The following MLLT10 variants were observed in gnomAD, a reference collection of about 807,000 sequenced individuals.
MLLT10 encodes MLLT10 histone lysine methyltransferase DOT1L cofactor.
In MLLT10, 30 loss-of-function variants were observed where a neutral mutation model predicts 129.1. The observed-to-expected ratio is 0.23, with a 90% confidence interval of 0.17 to 0.32. The LOEUF (loss-of-function observed/expected upper bound fraction) is 0.32. Among genes scored for constraint, MLLT10 ranks in the 10% least tolerant of loss-of-function variants. The pLI is 1.00. For synonymous variants in MLLT10, 490 were observed against 446.4 expected (o/e 1.10, Z -1.23); for missense variants, 1,119 against 1,268.3 (o/e 0.88, Z 1.79).
chr10:21,570,608 G>T (rs1390282303), intron 3 of MLLT10, among the ~76,000 whole-genome samples: 2 of 151,030 alleles, frequency 1.3e-5, no homozygotes, highest in East Asian at 3.9e-4. Flanking sequence ...TTTCATTTAG[G>T]TTAGTAATTT....
chr10:21,535,079 C>G (rs760732165), intron 2 of MLLT10, among the ~76,000 whole-genome samples: 1 of 104,614 alleles, frequency 9.6e-6, no homozygotes, highest in African/African-American at 3.6e-5. Context: ...CGGGGCGGGG[C>G]GGGGCAGGGC....
chr10:21,550,309 G>A (rs1405890381), intron 3 of MLLT10, among the ~76,000 whole-genome samples: 1 of 152,098 alleles, frequency 6.6e-6, no homozygotes, highest in Non-Finnish European at 1.5e-5. Context: ...TCTAATTTCT[G>A]TGCAGCTTCC....
rs1588716949 is a variant in MLLT10 at position 21,534,284 on chromosome 10, C to T, written c.-237C>T. The T allele has an allele frequency of 1.5e-5, 6 of 394,582 alleles. No homozygotes were observed. 24.4% of individuals were successfully genotyped at this position (394,582 alleles called of 1,614,324 possible). On this transcript the variant is annotated 5_prime_UTR_variant, in exon 1 of 23. Coordinates refer to ENST00000307729, the MANE Select transcript of MLLT10 (RefSeq NM_001195626.3). ...GAAGCGCAGCCCCCTTCCCCTCCCT[C>T]GCTGCCCCTGGCCCAGCGGGAGCCC... is the stretch of plus-strand genomic sequence containing the variant.
At chr10:21,659,876 C>A (rs1478393913) in intron 9 of MLLT10, among the ~76,000 whole-genome samples, 10 of 152,036 alleles carry the variant, frequency 6.6e-5, no homozygotes, top group Non-Finnish European at 1.3e-4. Context: ...TTTGAACAAA[C>A]CATCTATTCG....
intron 22 of MLLT10, 103 bp from the exon 23 acceptor site, chr10:21,741,836 G>A: frequency 7.9e-6 from 10 of 1,259,090 alleles, no homozygotes; most frequent in African/African-American, 3.0e-5. Flanking sequence ...AAAAAAGGGA[G>A]TAACTTTCTA....
At chr10:21,633,190 T>TA (rs1371236484) in intron 8 of MLLT10, among the ~76,000 whole-genome samples, 12 of 152,226 alleles carry the variant, frequency 7.9e-5, no homozygotes, top group Non-Finnish European at 1.6e-4. Flanking sequence ...GCTTACCTCA[T>TA]AGAGTTTTTA....
chr10:21,702,887 A>C (rs1007946110), intron 13 of MLLT10, among the ~76,000 whole-genome samples: 1 of 152,090 alleles, frequency 6.6e-6, no homozygotes, highest in East Asian at 1.9e-4. Context: ...CACCTAGTTG[A>C]TATCTTGTAA....
intron 3 of MLLT10, among the ~76,000 whole-genome samples, chr10:21,575,334 T>C (rs139352920): frequency 9.8e-4 from 149 of 152,098 alleles, no homozygotes; most frequent in African/African-American, 3.4e-3. Context: ...GTAGCTTAGA[T>C]TACAGCCACC....
intron 3 of MLLT10, among the ~76,000 whole-genome samples, chr10:21,582,458 C>A (rs1028415878): frequency 6.6e-6 from 1 of 152,012 alleles, no homozygotes; most frequent in African/African-American, 2.4e-5. Context: ...GTTACTGTGC[C>A]TAATTTATAA....
In MLLT10 at chr10:21,723,178, T is replaced by C. The variant is rs531749206; in HGVS notation, c.1879-3066T>C. Among the ~76,000 whole-genome samples, 293 of 152,310 alleles carry C rather than the reference T, an allele frequency of 1.9e-3. 2 individuals carry two copies. The highest frequency in any genetic ancestry group is 0.01 in the Middle Eastern group (3 of 294). On this transcript the variant is annotated intron_variant, in intron 14 of 22. Coordinates refer to ENST00000307729, the MANE Select transcript of MLLT10 (RefSeq NM_001195626.3). ...AAGATACTTTATCTTTTTTTGATGA[T>C]CATCATTATGCAAATTAGTTGTTGT... is the stretch of plus-strand genomic sequence containing the variant.
chr10:21,618,842 C>T (rs927557846), intron 8 of MLLT10, among the ~76,000 whole-genome samples: 3 of 151,930 alleles, frequency 2.0e-5, no homozygotes, highest in Non-Finnish European at 4.4e-5. Flanking sequence ...AAGTGATTGT[C>T]GTGCCTCAGC....
At chr10:21,568,561 A>G (rs1287233734) in intron 3 of MLLT10, among the ~76,000 whole-genome samples, 1 of 152,176 alleles carries the variant, frequency 6.6e-6, no homozygotes, top group Non-Finnish European at 1.5e-5. Context: ...TATTTCAATT[A>G]CTGCTTTAAC....
intron 13 of MLLT10, among the ~76,000 whole-genome samples, chr10:21,694,757 C>T (rs1365439788): frequency 1.3e-5 from 2 of 152,196 alleles, no homozygotes; most frequent in African/African-American, 4.8e-5. Context: ...CAGCTTAAAA[C>T]CACACACATT....
intron 9 of MLLT10, among the ~76,000 whole-genome samples, chr10:21,654,846 T>C (rs890802821): frequency 1.4e-4 from 21 of 152,116 alleles, no homozygotes; most frequent in African/African-American, 4.8e-4. Flanking sequence ...TGAGGGATAG[T>C]ATATACTGGT....
chr10:21,630,159 G>C (rs546023390), intron 8 of MLLT10, among the ~76,000 whole-genome samples: 1 of 152,240 alleles, frequency 6.6e-6, no homozygotes, highest in African/African-American at 2.4e-5. Flanking sequence ...TAGGCAGATT[G>C]GGTATACAAA....
chr10:21,703,882 G>A (rs929678479), intron 13 of MLLT10, among the ~76,000 whole-genome samples: 1 of 151,674 alleles, frequency 6.6e-6, no homozygotes, highest in Non-Finnish European at 1.5e-5. Flanking sequence ...TTGTTGAGTT[G>A]ATTTTCCATA....
chr10:21,610,398 C>T (rs2044484519), intron 5 of MLLT10, among the ~76,000 whole-genome samples: 1 of 152,300 alleles, frequency 6.6e-6, no homozygotes, highest in East Asian at 1.9e-4. Context: ...AGTGGACCAT[C>T]TGTCATAGGG....
intron 13 of MLLT10, among the ~76,000 whole-genome samples, chr10:21,710,993 A>G (rs2056028577): frequency 6.6e-6 from 1 of 152,126 alleles, no homozygotes; most frequent in Admixed American, 6.5e-5. Context: ...TTTCAGGTCT[A>G]ATTAGTCACC....
intron 5 of MLLT10, among the ~76,000 whole-genome samples, chr10:21,611,614 C>T (rs1029867015): frequency 5.3e-5 from 8 of 152,088 alleles, no homozygotes; most frequent in African/African-American, 1.9e-4. Context: ...GTTGTTTTTG[C>T]AGTTCAGTCT....
Sources: gnomAD v4.1 joint callset for allele counts (sites outside exome capture counted in the v4.1 genomes callset) on GRCh38, gnomAD v4.1.1 for gene constraint, MANE v1.5 for transcripts, NCBI Gene and HGNC (gene_info 2026-07-23, HGNC 2026-07-21) for gene names.